Variants in PHACTR1 observed in about 807,000 individuals in gnomAD.
PHACTR1 encodes the protein phosphatase and actin regulator 1, also known as RPEL repeat containing 1.
In PHACTR1, 16 loss-of-function variants were observed where a neutral mutation model predicts 69.2. The ratio of observed to expected loss-of-function variants is 0.23; its 90% CI spans 0.16 to 0.35. The LOEUF is 0.35. Ranked by LOEUF, PHACTR1 falls within the 10% of genes least tolerant of loss-of-function variation. The pLI, the probability that PHACTR1 is intolerant of heterozygous loss-of-function variation, is 1.00. For missense variants in PHACTR1, 510 were observed against 734.7 expected, an observed-to-expected ratio of 0.69 and a Z score of 3.54; for synonymous variants, 312 against 284.5, an observed-to-expected ratio of 1.10 and a Z score of -0.97.
intron 4 of PHACTR1, among the ~76,000 whole-genome samples, chr6:12,809,061 A>AT (rs1021385660): frequency 2.0e-5 from 3 of 151,298 alleles, no homozygotes; most frequent in Non-Finnish European, 4.4e-5. Flanking sequence ...TTTGGTGTGT[A>AT]TTTTTTTGTA....
chr6:12,882,324 G>T (rs1488303857), intron 4 of PHACTR1, among the ~76,000 whole-genome samples: 1 of 152,170 alleles, frequency 6.6e-6, no homozygotes, highest in Non-Finnish European at 1.5e-5. Flanking sequence ...ATAATAAGAA[G>T]AGGACTTTGC....
intron 4 of PHACTR1, among the ~76,000 whole-genome samples, chr6:12,846,959 G>C (rs772716962): frequency 6.6e-6 from 1 of 150,902 alleles, no homozygotes; most frequent in African/African-American, 2.4e-5. Flanking sequence ...TAGGACACAC[G>C]CCACACACCC....
intron 4 of PHACTR1, among the ~76,000 whole-genome samples, chr6:13,051,304 CATAGCCTAAGCATCTGGT>C (rs1805906451): frequency 6.6e-6 from 1 of 152,158 alleles, no homozygotes; most frequent in Non-Finnish European, 1.5e-5. Flanking sequence ...TGTTTACCGT[CATAGCCTAAGCATCTGGT>C]ACAGAGTGGG....
intron 4 of PHACTR1, among the ~76,000 whole-genome samples, chr6:13,020,320 A>G (rs1800785435): frequency 1.3e-5 from 2 of 152,224 alleles, no homozygotes; most frequent in South Asian, 4.1e-4. Context: ...ACCCAAGTCC[A>G]GAGGAAGGAT....
At chr6:13,189,450 GTGCAGTAGCACAATCACGGCTCAC>G (rs1763223564) in intron 7 of PHACTR1, among the ~76,000 whole-genome samples, 1 of 150,760 alleles carries the variant, frequency 6.6e-6, no homozygotes, top group East Asian at 2.0e-4. Context: ...CCAGGCTAGA[GTGCAGTAGCACAATCACGGCTCAC>G]TGCAGCCTCC....
intron 4 of PHACTR1, among the ~76,000 whole-genome samples, chr6:12,941,163 C>T (rs561718467): frequency 6.6e-6 from 1 of 152,232 alleles, no homozygotes; most frequent in African/African-American, 2.4e-5. Context: ...CTACAGAAAA[C>T]CCTTGAGTCC....
chr6:12,995,678 A>C (rs1200948509), intron 4 of PHACTR1, among the ~76,000 whole-genome samples: 2 of 152,064 alleles, frequency 1.3e-5, no homozygotes, highest in Non-Finnish European at 2.9e-5. Context: ...TTTCCTTAAT[A>C]ATGATAAAGG....
intron 9 of PHACTR1, among the ~76,000 whole-genome samples, chr6:13,228,655 AT>A (rs1770232278): frequency 6.6e-6 from 1 of 152,248 alleles, no homozygotes; most frequent in Admixed American, 6.5e-5. Context: ...ACTTATGAGA[AT>A]AGCAACCATG....
chr6:13,161,523 A>C (rs1339879129), intron 6 of PHACTR1, among the ~76,000 whole-genome samples: 1 of 146,110 alleles, frequency 6.8e-6, no homozygotes, highest in Non-Finnish European at 1.5e-5. Flanking sequence ...CCAGATTATT[A>C]AATCACATAA....
rs570125302 is a variant in PHACTR1, at chr6:13,148,247, T to C, written c.416-11957T>C. Among the ~76,000 whole-genome samples, 3 of 151,844 alleles carry C rather than the reference T, an allele frequency of 2.0e-5. No individual in the cohort carries two copies. In the East Asian group the frequency reaches 5.8e-4, roughly 29 times the overall value. ...AGAGAATTGTATAATGATATAACTA[T>C]ATATGCTATAATTGCATTGCCATCA... On this transcript the variant is annotated intron_variant, in intron 5 of 14. Transcript: ENST00000332995.
intron 4 of PHACTR1, among the ~76,000 whole-genome samples, chr6:12,928,465 C>T (rs923089273): frequency 3.3e-5 from 5 of 152,288 alleles, no homozygotes; most frequent in Admixed American, 3.3e-4. Flanking sequence ...TTTCTTTTAT[C>T]TTCAGAATCC....
chr6:13,057,088 C>T (rs1004727764), intron 5 of PHACTR1, among the ~76,000 whole-genome samples: 21 of 151,890 alleles, frequency 1.4e-4, no homozygotes, highest in Admixed American at 2.6e-4. Flanking sequence ...TTGATAATAG[C>T]GTAGACTATA....
intron 7 of PHACTR1, among the ~76,000 whole-genome samples, chr6:13,193,375 A>T (rs1763890923): frequency 7.9e-6 from 1 of 126,764 alleles, no homozygotes. Context: ...ATATATATAT[A>T]TATATATATA....
At chr6:12,995,591 T>C (rs1797331960) in intron 4 of PHACTR1, among the ~76,000 whole-genome samples, 1 of 152,082 alleles carries the variant, frequency 6.6e-6, no homozygotes, top group African/African-American at 2.4e-5. Context: ...TACGTATCCA[T>C]TAATACTTAG....
chr6:13,236,941 C>T (rs577854818), intron 10 of PHACTR1, among the ~76,000 whole-genome samples: 32 of 152,094 alleles, frequency 2.1e-4, no homozygotes, highest in African/African-American at 7.2e-4. Flanking sequence ...GGAACAGGGG[C>T]GAAATGAAAA....
At chr6:13,040,459 C>T (rs1803966186) in intron 4 of PHACTR1, among the ~76,000 whole-genome samples, 1 of 152,150 alleles carries the variant, frequency 6.6e-6, no homozygotes, top group South Asian at 2.1e-4. Context: ...AACCATATTG[C>T]AAGTAATGCA....
intron 4 of PHACTR1, among the ~76,000 whole-genome samples, chr6:12,984,456 C>T (rs1209118350): frequency 2.0e-5 from 3 of 152,134 alleles, no homozygotes; most frequent in Non-Finnish European, 2.9e-5. Flanking sequence ...GATTGAAGAG[C>T]CAGAGGGCAT....
chr6:13,272,748 G>A lies in PHACTR1; in HGVS notation c.1392-112G>A, dbSNP rs770973539. 3.1e-6 allele frequency: 5 copies of A among 1,612,218 alleles called. No individual in the cohort carries two copies. In the Admixed American group the frequency reaches 6.7e-5, roughly 22 times the overall value. ...AGTCAGTCTTTCAGAGCACAGGATG[G>A]AACAAGAACTCCAGCCACTGACTGT... On this transcript the variant is annotated intron_variant, in intron 10 of 14. Transcript: ENST00000332995.
intron 7 of PHACTR1, among the ~76,000 whole-genome samples, chr6:13,203,544 C>T (rs544667192): frequency 8.5e-5 from 13 of 152,250 alleles, no homozygotes; most frequent in African/African-American, 2.6e-4. Context: ...ACGATTAACA[C>T]GGACATAATA....
Sources: gnomAD v4.1 joint callset for allele counts (sites outside exome capture counted in the v4.1 genomes callset) on GRCh38, gnomAD v4.1.1 for gene constraint, MANE v1.5 for transcripts, NCBI Gene and HGNC (gene_info 2026-07-23, HGNC 2026-07-21) for gene names.